The following TACC1 variants were observed in gnomAD, a reference collection of about 807,000 sequenced individuals.
TACC1 encodes the protein transforming acidic coiled-coil containing protein 1.
In TACC1, 48 loss-of-function variants were observed where a neutral mutation model predicts 84.4. That is an observed-to-expected ratio of 0.57 (90% CI 0.45 to 0.72). The LOEUF is 0.72. Ranked by LOEUF, TACC1 falls within the 30% of genes least tolerant of loss-of-function variation. TACC1 has a pLI of 0.00. For missense variants in TACC1, 920 were observed against 973.0 expected (o/e 0.95, Z 0.72); for synonymous variants, 372 against 376.3 (o/e 0.99, Z 0.13).
intron 1 of TACC1, among the ~76,000 whole-genome samples, chr8:38,729,965 G>A (rs1804603025): frequency 6.6e-6 from 1 of 152,212 alleles, no homozygotes; most frequent in East Asian, 1.9e-4. Context: ...TCAGCGTGGA[G>A]CCTGGGGGCA....
intron 1 of TACC1, among the ~76,000 whole-genome samples, chr8:38,732,409 C>G (rs1338039752): frequency 6.6e-6 from 1 of 150,770 alleles, no homozygotes; most frequent in Non-Finnish European, 1.5e-5. Flanking sequence ...CTAAATATAG[C>G]TGATTTAAAA....
At chr8:38,757,808 T>C (rs1466345823) in intron 3 of TACC1, among the ~76,000 whole-genome samples, 1 of 152,184 alleles carries the variant, frequency 6.6e-6, no homozygotes, top group Non-Finnish European at 1.5e-5. Flanking sequence ...CAAAACGCAA[T>C]TGGCGTTGGC....
At chr8:38,846,593 G>C (rs1483780375) in intron 11 of TACC1, 106 bp from the exon 12 acceptor site, 1 of 1,323,086 alleles carries the variant, frequency 7.6e-7, no homozygotes, top group African/African-American at 1.5e-5. Context: ...TCAATTCTTT[G>C]AGGCCTGTGC....
intron 1 of TACC1, among the ~76,000 whole-genome samples, chr8:38,740,797 T>G (rs1159161851): frequency 1.3e-5 from 2 of 152,220 alleles, no homozygotes; most frequent in Non-Finnish European, 2.9e-5. Flanking sequence ...GTCATTTTAG[T>G]GCAATTCTGA....
chr8:38,814,056 A>C (rs1203212438), intron 2 of TACC1, among the ~76,000 whole-genome samples: 1 of 152,156 alleles, frequency 6.6e-6, no homozygotes, highest in Non-Finnish European at 1.5e-5. Context: ...AGATCTACTT[A>C]CTGTCTTAAT....
At chr8:38,739,663 T>C (rs938033050) in intron 1 of TACC1, among the ~76,000 whole-genome samples, 1 of 152,260 alleles carries the variant, frequency 6.6e-6, no homozygotes, top group African/African-American at 2.4e-5. Flanking sequence ...GTTCACTTTC[T>C]GTGTTGTAAA....
intron 6 of TACC1, among the ~76,000 whole-genome samples, chr8:38,832,444 C>T (rs113871185): frequency 0.024 from 3,599 of 152,354 alleles, 131 homozygotes; most frequent in African/African-American, 0.075. Flanking sequence ...AACTTCCCAA[C>T]ATAAATTAAT....
intron 5 of TACC1, chr8:38,827,940 T>G: frequency 6.3e-6 from 1 of 157,716 alleles, no homozygotes; most frequent in Non-Finnish European, 1.4e-5. Flanking sequence ...CAGCAAGAAG[T>G]CGCTCATTAC....
intron 11 of TACC1, 140 bp downstream of exon 11, chr8:38,843,535 T>G: frequency 3.8e-6 from 2 of 523,986 alleles, no homozygotes; most frequent in Non-Finnish European, 6.4e-6. Flanking sequence ...CTTTTCCCAT[T>G]GTTAAAACAT....
At chr8:38,767,249 C>G (rs62505803) in intron 3 of TACC1, among the ~76,000 whole-genome samples, 30,090 of 152,222 alleles carry the variant, frequency 0.2, 3,543 homozygotes, top group Non-Finnish European at 0.27. Flanking sequence ...TTTCCTCTGC[C>G]TTTTCACACC....
intron 2 of TACC1, among the ~76,000 whole-genome samples, chr8:38,790,555 G>T (rs1429361663): frequency 3.9e-5 from 6 of 152,164 alleles, no homozygotes; most frequent in Non-Finnish European, 8.8e-5. Context: ...CCCTGAAGTG[G>T]CAGCGCCAGC....
chr8:38,833,132 A>G (rs1829587386), intron 6 of TACC1, among the ~76,000 whole-genome samples: 1 of 152,272 alleles, frequency 6.6e-6, no homozygotes, highest in East Asian at 1.9e-4. Context: ...GGTAGATTCT[A>G]TAACAAGCTT....
exon 3 of TACC1, chr8:38,745,480 T>G (rs1807894507): frequency 1.4e-6 from 1 of 691,588 alleles, no homozygotes; most frequent in African/African-American, 1.8e-5. Context: ...GAATAATATA[T>G]TGAAACTTAA....
chr8:38,818,355 T>C (rs1327235737), intron 2 of TACC1, among the ~76,000 whole-genome samples: 1 of 152,240 alleles, frequency 6.6e-6, no homozygotes, highest in Non-Finnish European at 1.5e-5. Flanking sequence ...TCATGAGATA[T>C]TATAACCAAT....
chr8:38,779,711 A>G (rs1815551321), intron 3 of TACC1, among the ~76,000 whole-genome samples: 1 of 152,250 alleles, frequency 6.6e-6, no homozygotes, highest in South Asian at 2.1e-4. Flanking sequence ...GCACACACAC[A>G]TACTTTTTGC....
At chr8:38,774,974 G>A (rs1814524663) in intron 3 of TACC1, among the ~76,000 whole-genome samples, 1 of 138,346 alleles carries the variant, frequency 7.2e-6, no homozygotes. Context: ...TCGCACCACT[G>A]CACTCCAGCC....
intron 2 of TACC1, among the ~76,000 whole-genome samples, chr8:38,800,456 A>C (rs1238920349): frequency 6.6e-6 from 1 of 152,130 alleles, no homozygotes; most frequent in African/African-American, 2.4e-5. Flanking sequence ...CTGATGATCT[A>C]GTTTGTGTCT....
chr8:38,787,814 C>A, intron 1 of TACC1, 71 bp downstream of exon 1: 1 of 1,361,398 alleles, frequency 7.3e-7, no homozygotes. Context: ...CCTCTGTGTG[C>A]GTGTGTGTGG....
intron 2 of TACC1, among the ~76,000 whole-genome samples, chr8:38,803,555 G>A (rs1341393225): frequency 6.6e-6 from 1 of 152,154 alleles, no homozygotes; most frequent in African/African-American, 2.4e-5. Context: ...TGATTGTTGT[G>A]TATTATATTA....
Sources: gnomAD v4.1 joint callset for allele counts (sites outside exome capture counted in the v4.1 genomes callset) on GRCh38, gnomAD v4.1.1 for gene constraint, MANE v1.5 for transcripts, NCBI Gene and HGNC (gene_info 2026-07-23, HGNC 2026-07-21) for gene names.